CDC27: variants seen among roughly 807,000 people sequenced by gnomAD.
The protein encoded by CDC27 is cell division cycle protein 27 homolog.
A neutral mutation model predicts 109.7 loss-of-function variants in CDC27; 27 were observed. The observed-to-expected ratio is 0.25, with a 90% CI of 0.18 to 0.34. The LOEUF (loss-of-function observed/expected upper bound fraction) is 0.34. CDC27 is among the 10% of genes least tolerant of loss of function. The probability of loss-of-function intolerance (pLI) is 1.00; values close to 1 mark genes in which losing one functional copy is unlikely to be tolerated. For missense variants in CDC27, 579 were observed against 960.2 expected, an observed-to-expected ratio of 0.60 and a Z score of 5.25; for synonymous variants, 266 against 333.9, an observed-to-expected ratio of 0.80 and a Z score of 2.22.
intron 10 of CDC27, among the ~76,000 whole-genome samples, chr17:47,143,505 C>A (rs988666194): frequency 3.9e-5 from 6 of 152,114 alleles, no homozygotes; most frequent in African/African-American, 1.4e-4. Flanking sequence ...TCAACCACCA[C>A]AATCAGGATA....
chr17:47,170,132 A>C (rs1730218742), intron 3 of CDC27, 90 bp from the exon 4 acceptor site: 2 of 979,438 alleles, frequency 2.0e-6, no homozygotes, highest in Non-Finnish European at 2.9e-6. Flanking sequence ...GCATCTAACT[A>C]TGGAGACACA....
chr17:47,142,549 AT>A (rs2062828293), intron 10 of CDC27, 113 bp from the exon 11 acceptor site: 14 of 512,342 alleles, frequency 2.7e-5, no homozygotes, highest in African/African-American at 3.9e-5. Context: ...TTAATTCTAT[AT>A]TTTTTTCAGA....
chr17:47,126,735 AG>A (rs2062152155), intron 16 of CDC27, among the ~76,000 whole-genome samples: 1 of 152,258 alleles, frequency 6.6e-6, no homozygotes, highest in African/African-American at 2.4e-5. Flanking sequence ...TTGCAATTAT[AG>A]TACTTCAAAG....
At chr17:47,134,241 C>A (rs1290333906) in intron 14 of CDC27, among the ~76,000 whole-genome samples, 1 of 151,290 alleles carries the variant, frequency 6.6e-6, no homozygotes, top group African/African-American at 2.4e-5. Context: ...CAAAAACAAT[C>A]AAATCAAATC....
chr17:47,133,180 C>T (rs2062447570), intron 14 of CDC27, among the ~76,000 whole-genome samples: 1 of 142,650 alleles, frequency 7.0e-6, no homozygotes, highest in African/African-American at 2.6e-5. Context: ...CTCTTGTTGC[C>T]CAGGCTGGAG....
At chr17:47,134,402 A>C (rs930452958) in intron 14 of CDC27, among the ~76,000 whole-genome samples, 3 of 151,608 alleles carry the variant, frequency 2.0e-5, no homozygotes, top group African/African-American at 7.3e-5. Context: ...TTGAACTCTT[A>C]GGCTCACGCA....
At chr17:47,158,620 ATT>A (rs376030802) in intron 4 of CDC27, among the ~76,000 whole-genome samples, 40 of 140,716 alleles carry the variant, frequency 2.8e-4, no homozygotes, top group Admixed American at 4.3e-4. Context: ...ATTATTCTTA[ATT>A]TTTTTTTTTT....
Position 47,129,498 on chromosome 17 carries a change from T to C in CDC27, c.2055A>G (p.Ser685=), listed in dbSNP as rs777495484. 4 of 1,606,562 alleles carry C rather than the reference T, an allele frequency of 2.5e-6. No homozygotes were observed. The highest frequency in any genetic ancestry group is 3.4e-6 in the Non-Finnish European group (4 of 1,175,010). The change falls in exon 16 of 19, where the codon TCA becomes TCG. Residue 685 remains serine, a synonymous_variant. Transcript: ENST00000066544. The stretch of plus-strand genomic sequence containing the variant: ...TGTTTAGGGTATCCAAAGCCTTCTC[T>C]GATTTTTTCAGTGCATGTTGAACCT... ...IGVVQHALKK[S]EKALDTLNKA...
intron 16 of CDC27, among the ~76,000 whole-genome samples, chr17:47,127,524 T>C (rs949890813): frequency 3.3e-5 from 5 of 151,902 alleles, no homozygotes; most frequent in African/African-American, 9.7e-5. Context: ...TGCCTCAGCC[T>C]CCCAGGTAGC....
At position 47,189,177 on chromosome 17, in the gene CDC27, G is replaced by C. The variant is rs373705418; in HGVS notation, c.-5C>G. 6.2e-7 allele frequency: 1 copy of C among 1,611,948 alleles called. No homozygotes were observed. The highest frequency in any genetic ancestry group is 8.5e-7 in the Non-Finnish European group (1 of 1,178,190). ...GGGTTCCTGCAGCACCGTCATCCTC[G>C]AGGCTCAGGCCCACTTTCTGCAGTG... is the stretch of plus-strand genomic sequence containing the variant. On this transcript the variant is annotated 5_prime_UTR_variant, in exon 1 of 19. Transcript: ENST00000066544.
chr17:47,149,509 TAAA>T (rs34375130), intron 9 of CDC27, among the ~76,000 whole-genome samples: 24 of 112,120 alleles, frequency 2.1e-4, no homozygotes, highest in Admixed American at 2.8e-4. Context: ...GACTCTGTCT[TAAA>T]AAAAAAAAAA....
In CDC27 at chr17:47,161,432, G is replaced by A. The variant is rs1359830451; in HGVS notation, c.378-3129C>T. On this transcript the variant is annotated intron_variant, in intron 4 of 18. Coordinates refer to ENST00000066544, the MANE Select transcript of CDC27 (RefSeq NM_001256.6). ...TGGAACGTGGCAAATCAGTGCTTGGGAGCTTTTAACATAAGGCTAAGCAAA... is the reference window on the plus strand; with the variant it reads ...TGGAACGTGGCAAATCAGTGCTTGGAAGCTTTTAACATAAGGCTAAGCAAA... 3.3e-5 allele frequency among the ~76,000 whole-genome samples: 5 copies of A among 152,134 alleles called. 1 individual carries two copies. Among genetic ancestry groups the A allele is most frequent in the African/African-American group, 4.8e-5 (2 of 41,422 alleles).
intron 16 of CDC27, 21 bp downstream of exon 16, chr17:47,129,372 C>T: frequency 6.3e-7 from 1 of 1,581,398 alleles, no homozygotes; most frequent in East Asian, 2.2e-5. Context: ...ACACTGAAGA[C>T]CCTTAAGATA....
chr17:47,159,569 C>T, intron 4 of CDC27: 1 of 479,408 alleles, frequency 2.1e-6, no homozygotes, highest in South Asian at 2.6e-5. Context: ...CCCCCAGTAG[C>T]CTCTGCGCAC....
chr17:47,132,988 CATATATATATATATATATAT>C (rs1158266100), intron 14 of CDC27, among the ~76,000 whole-genome samples: 18 of 40,896 alleles, frequency 4.4e-4, no homozygotes, highest in Admixed American at 2.4e-3. Context: ...TGCCCAGGCG[CATATATATATATATATATAT>C]ATATATATAT....
At chr17:47,180,391 A>G (rs1356269626) in intron 2 of CDC27, among the ~76,000 whole-genome samples, 1 of 152,066 alleles carries the variant, frequency 6.6e-6, no homozygotes, top group Non-Finnish European at 1.5e-5. Context: ...GCTCTCTCAC[A>G]TGGACAGTAA....
intron 4 of CDC27, chr17:47,161,875 C>T (rs2148935651): frequency 6.6e-6 from 1 of 151,502 alleles, no homozygotes; most frequent in East Asian, 1.9e-4. Flanking sequence ...TAAGTAAAGC[C>T]ATTCCCTCAG....
At chr17:47,175,392 T>C (rs1008847083) in intron 2 of CDC27, among the ~76,000 whole-genome samples, 5 of 152,214 alleles carry the variant, frequency 3.3e-5, no homozygotes, top group Admixed American at 2.0e-4. Flanking sequence ...CTTGATAAAC[T>C]ATACAAATAT....
At position 47,151,937 on chromosome 17, in the gene CDC27, C is replaced by T. The variant is rs2063164810; in HGVS notation, c.958-19G>A. Reference sequence around the variant, plus strand: ...CAACAGACTGTAAAACACGAAAAGTCTAAGGTTTGTGAATTATGGGCTGCA... The same window carrying T: ...CAACAGACTGTAAAACACGAAAAGTTTAAGGTTTGTGAATTATGGGCTGCA... On this transcript the variant is annotated intron_variant, in intron 8 of 18. Coordinates refer to ENST00000066544, the MANE Select transcript of CDC27 (RefSeq NM_001256.6). 6.3e-7 allele frequency: 1 copy of T among 1,597,054 alleles called. No homozygotes were observed. Among genetic ancestry groups the T allele is most frequent in the African/African-American group, 1.3e-5 (1 of 74,488 alleles).
Sources: gnomAD v4.1 joint callset for allele counts (sites outside exome capture counted in the v4.1 genomes callset) on GRCh38, gnomAD v4.1.1 for gene constraint, MANE v1.5 for transcripts, NCBI Gene and HGNC (gene_info 2026-07-23, HGNC 2026-07-21) for gene names.